Variants in WDR7 observed in about 807,000 individuals in gnomAD.
WDR7 encodes WD repeat domain 7, also known as WD repeat-containing protein 7.
In WDR7, 46 loss-of-function variants were observed where a neutral mutation model predicts 169.4. The observed-to-expected ratio is 0.27, with a 90% CI of 0.21 to 0.35. The LOEUF is 0.35. Ranked by LOEUF, WDR7 falls within the 10% of genes least tolerant of loss-of-function variation. The pLI is 1.00. For synonymous variants in WDR7, 612 were observed against 666.8 expected (o/e 0.92, Z 1.27); for missense variants, 1,534 against 1,859.3 (o/e 0.83, Z 3.22).
At chr18:56,947,365 A>G (rs1240961679) in intron 25 of WDR7, among the ~76,000 whole-genome samples, 1 of 152,242 alleles carries the variant, frequency 6.6e-6, no homozygotes, top group Non-Finnish European at 1.5e-5. Context: ...TCAAAAAGGC[A>G]TCATCTAGCA....
chr18:56,725,657 A>C (rs1598993159), intron 13 of WDR7, among the ~76,000 whole-genome samples: 1 of 152,106 alleles, frequency 6.6e-6, no homozygotes, highest in East Asian at 1.9e-4. Context: ...TCTTTAGTTT[A>C]ATTAGATCGC....
At chr18:56,937,318 G>A (rs1490370996) in intron 23 of WDR7, among the ~76,000 whole-genome samples, 1 of 152,024 alleles carries the variant, frequency 6.6e-6, no homozygotes, top group African/African-American at 2.4e-5. Flanking sequence ...CTTAAGCCTA[G>A]GAGTTTGAGT....
chr18:56,983,289 A>T (rs2047671171), intron 26 of WDR7, among the ~76,000 whole-genome samples: 1 of 152,200 alleles, frequency 6.6e-6, no homozygotes, highest in Non-Finnish European at 1.5e-5. Flanking sequence ...TGGCGTTTTC[A>T]TGAAGTAAAT....
chr18:57,018,503 C>T lies in WDR7; in HGVS notation c.4165-2242C>T, dbSNP rs1212171509. On this transcript the variant is annotated intron_variant, in intron 26 of 27. Transcript: ENST00000254442. Reference sequence around the variant, plus strand: ...AAGAGCACATGCTCAGGCTGAAGTGCTCACCACCACTCAGCCCTGGCTGAT... The same window carrying T: ...AAGAGCACATGCTCAGGCTGAAGTGTTCACCACCACTCAGCCCTGGCTGAT... Among the ~76,000 whole-genome samples, 3 of 152,214 alleles carry T rather than the reference C, an allele frequency of 2.0e-5. 1 individual carries two copies. The highest frequency in any genetic ancestry group is 4.4e-5 in the Non-Finnish European group (3 of 68,048).
intron 26 of WDR7, among the ~76,000 whole-genome samples, chr18:56,992,903 G>A (rs11665624): frequency 0.26 from 39,700 of 151,994 alleles, 6,080 homozygotes; most frequent in Non-Finnish European, 0.35. Flanking sequence ...CCTCATTTGG[G>A]GCTTGAATGA....
chr18:56,691,906 A>T, intron 9 of WDR7, 89 bp downstream of exon 9: 2 of 967,218 alleles, frequency 2.1e-6, no homozygotes, highest in Middle Eastern at 6.5e-4. Context: ...GGTTTAAAAA[A>T]TTTGATACAA....
chr18:56,863,218 AT>A (rs1394738893), intron 20 of WDR7, among the ~76,000 whole-genome samples: 1 of 151,816 alleles, frequency 6.6e-6, no homozygotes, highest in Non-Finnish European at 1.5e-5. Flanking sequence ...CTCTTTTCTT[AT>A]TTTTACCTTT....
chr18:56,759,800 A>G (rs1256755650), intron 16 of WDR7, among the ~76,000 whole-genome samples: 1 of 152,130 alleles, frequency 6.6e-6, no homozygotes, highest in Non-Finnish European at 1.5e-5. Context: ...TAGTTTTACA[A>G]GGTTTGTTAA....
intron 21 of WDR7, among the ~76,000 whole-genome samples, chr18:56,896,929 T>G (rs2046340076): frequency 6.6e-6 from 1 of 151,652 alleles, no homozygotes; most frequent in South Asian, 2.1e-4. Flanking sequence ...CATAGGTCAC[T>G]GACAAGAGAT....
chr18:57,017,748 A>G (rs1432491017), intron 26 of WDR7, among the ~76,000 whole-genome samples: 3 of 152,326 alleles, frequency 2.0e-5, no homozygotes, highest in Admixed American at 1.3e-4. Flanking sequence ...AATTATTGTT[A>G]CATGATAAAT....
chr18:56,660,868 C>T lies in WDR7; in HGVS notation c.-20+9292C>T, dbSNP rs138974951. 9.6e-3 allele frequency among the ~76,000 whole-genome samples: 1,458 copies of T among 152,192 alleles called. 16 individuals are homozygous for T. The highest frequency in any genetic ancestry group is 0.014 in the Non-Finnish European group (966 of 68,012). On this transcript the variant is annotated intron_variant, in intron 1 of 27. Coordinates refer to ENST00000254442, the MANE Select transcript of WDR7 (RefSeq NM_015285.3). ...TAACAGTGGGGAGGTCATTGGTGAC[C>T]TTGTCAAGGGCAGTTTTTGTGACAG... is the stretch of plus-strand genomic sequence containing the variant.
chr18:56,808,416 T>C (rs2044812697), intron 19 of WDR7, among the ~76,000 whole-genome samples: 1 of 152,184 alleles, frequency 6.6e-6, no homozygotes, highest in Non-Finnish European at 1.5e-5. Context: ...TCAATCTCAG[T>C]GGAAATCTAT....
chr18:56,977,946 T>C (rs533008857), intron 26 of WDR7, among the ~76,000 whole-genome samples: 9 of 152,300 alleles, frequency 5.9e-5, no homozygotes, highest in Admixed American at 1.3e-4. Context: ...TTAAAACTTA[T>C]AGTTGTAAAT....
rs567960325 is a variant in WDR7, at chr18:56,699,903, A to G, written c.1578+3441A>G. 229 of 982,240 alleles carry G rather than the reference A, an allele frequency of 2.3e-4. 2 individuals carry two copies. In the African/African-American group the frequency reaches 2.7e-3, roughly 12 times the overall value. The allele number at this position is 982,240 out of a possible 1,614,324, so 60.8% of individuals were successfully genotyped here. On this transcript the variant is annotated intron_variant, in intron 12 of 27. Coordinates refer to ENST00000254442, the MANE Select transcript of WDR7 (RefSeq NM_015285.3). ...TCCAGACCCCCTTTTCAAACTCCAC[A>G]TACATGTCAGTAGGTATTTATCATC...
intron 19 of WDR7, among the ~76,000 whole-genome samples, chr18:56,796,077 C>T (rs1432216540): frequency 2.0e-5 from 3 of 152,160 alleles, no homozygotes; most frequent in Admixed American, 6.5e-5. Flanking sequence ...TTAGCTAATG[C>T]ACTAAACATA....
intron 17 of WDR7, among the ~76,000 whole-genome samples, chr18:56,777,383 C>G (rs1222942796): frequency 6.6e-6 from 1 of 152,102 alleles, no homozygotes; most frequent in Non-Finnish European, 1.5e-5. Context: ...TATTTACCCT[C>G]TTTACTATTT....
chr18:56,743,484 A>G (rs1239343266), intron 14 of WDR7, among the ~76,000 whole-genome samples: 2 of 152,170 alleles, frequency 1.3e-5, no homozygotes, highest in African/African-American at 2.4e-5. Flanking sequence ...GAGGGAATCA[A>G]GAGTTTCAGG....
intron 21 of WDR7, among the ~76,000 whole-genome samples, chr18:56,911,985 C>G (rs2046559083): frequency 1.3e-5 from 2 of 152,256 alleles, no homozygotes; most frequent in South Asian, 4.1e-4. Context: ...TGAGCATGAG[C>G]CTTTGACTGA....
intron 12 of WDR7, among the ~76,000 whole-genome samples, chr18:56,701,769 A>G (rs1186483566): frequency 1.3e-5 from 2 of 152,200 alleles, no homozygotes; most frequent in African/African-American, 4.8e-5. Flanking sequence ...CACATAGTAT[A>G]AAATGCAAAA....
Sources: gnomAD v4.1 joint callset for allele counts (sites outside exome capture counted in the v4.1 genomes callset) on GRCh38, gnomAD v4.1.1 for gene constraint, MANE v1.5 for transcripts, NCBI Gene and HGNC (gene_info 2026-07-23, HGNC 2026-07-21) for gene names.